ZBBX: variants seen among roughly 807,000 people sequenced by gnomAD.
ZBBX encodes the protein zinc finger B-box domain-containing protein 1.
ZBBX carries 101 observed loss-of-function variants against 108.5 expected under a neutral mutation model. The ratio of observed to expected loss-of-function variants is 0.93; its 90% CI spans 0.79 to 1.10. The LOEUF is 1.10. ZBBX is among the 50% of genes least tolerant of loss of function. The pLI is 0.00. For missense variants in ZBBX, 1,009 were observed against 941.4 expected (o/e 1.07, Z -0.94); for synonymous variants, 356 against 323.4 (o/e 1.10, Z -1.08).
chr3:167,345,059 A>C (rs1379398668), intron 9 of ZBBX, among the ~76,000 whole-genome samples: 1 of 151,930 alleles, frequency 6.6e-6, no homozygotes, highest in African/African-American at 2.4e-5. Flanking sequence ...TTGGTTAAAA[A>C]TTCCCTTGCT....
intron 18 of ZBBX, among the ~76,000 whole-genome samples, chr3:167,296,855 C>T (rs921360376): frequency 1.6e-4 from 25 of 151,804 alleles, no homozygotes; most frequent in Admixed American, 1.2e-3. Flanking sequence ...TGACATTTTT[C>T]GTAGAAATAA....
At chr3:167,288,395 A>G (rs1356816846) in intron 19 of ZBBX, among the ~76,000 whole-genome samples, 1 of 152,204 alleles carries the variant, frequency 6.6e-6, no homozygotes, top group Non-Finnish European at 1.5e-5. Context: ...GGGTCAATGC[A>G]TACAGAATTA....
At chr3:167,387,527 A>G (rs1258221256) in intron 1 of ZBBX, among the ~76,000 whole-genome samples, 1 of 152,040 alleles carries the variant, frequency 6.6e-6, no homozygotes, top group Non-Finnish European at 1.5e-5. Context: ...ACTGTTCTGG[A>G]TAGAAAAAAG....
chr3:167,362,426 C>T (rs185727535), intron 6 of ZBBX, among the ~76,000 whole-genome samples: 114 of 152,068 alleles, frequency 7.5e-4, no homozygotes, highest in African/African-American at 2.6e-3. Context: ...CAAATACCTC[C>T]GAACTCCCAC....
In ZBBX at chr3:167,315,031, T is replaced by C. The variant is rs374103850; in HGVS notation, c.1274+719A>G. ...TGTGTGTCTAAACATGGGATTTTTCTGTTCAGGGGAATCACTCAGGCCCAT... is the reference window on the plus strand; with the variant it reads ...TGTGTGTCTAAACATGGGATTTTTCCGTTCAGGGGAATCACTCAGGCCCAT... On this transcript the variant is annotated intron_variant, in intron 15 of 21. Coordinates refer to ENST00000675490, the MANE Select transcript of ZBBX (RefSeq NM_001199201.2). Among the ~76,000 whole-genome samples, 41 of 152,274 alleles carry C rather than the reference T, an allele frequency of 2.7e-4. No individual in the cohort carries two copies. In the South Asian group the frequency reaches 8.5e-3, roughly 32 times the overall value.
intron 16 of ZBBX, among the ~76,000 whole-genome samples, chr3:167,309,134 T>C (rs899996623): frequency 2.6e-5 from 4 of 152,222 alleles, no homozygotes; most frequent in African/African-American, 4.8e-5. Context: ...AAAATATTAC[T>C]GCAGAGCCAC....
At chr3:167,296,681 C>T (rs1410652829) in intron 18 of ZBBX, among the ~76,000 whole-genome samples, 1 of 151,850 alleles carries the variant, frequency 6.6e-6, no homozygotes, top group African/African-American at 2.4e-5. Context: ...AGGTGGAAGA[C>T]TTATGCAATG....
the ZBBX span, among the ~76,000 whole-genome samples, chr3:167,208,662 G>T: frequency 6.6e-6 from 1 of 152,198 alleles, no homozygotes; most frequent in Non-Finnish European, 1.5e-5. Flanking sequence ...AGCAGTCATA[G>T]CCACGGATTA....
intron 20 of ZBBX, among the ~76,000 whole-genome samples, chr3:167,259,126 T>G (rs1339423768): frequency 6.6e-6 from 1 of 152,076 alleles, no homozygotes; most frequent in Non-Finnish European, 1.5e-5. Flanking sequence ...TGATAATTTT[T>G]AAATTACCAT....
chr3:167,204,557 C>T, the ZBBX span, among the ~76,000 whole-genome samples: 1 of 149,194 alleles, frequency 6.7e-6, no homozygotes, highest in Non-Finnish European at 1.5e-5. Flanking sequence ...CATGTCCCTA[C>T]AAAGGATATG....
chr3:167,237,165 C>T (rs1720264891), downstream of ZBBX, among the ~76,000 whole-genome samples: 1 of 151,084 alleles, frequency 6.6e-6, no homozygotes, highest in Non-Finnish European at 1.5e-5. Context: ...CATATAATGC[C>T]CAGCATTAAG....
intron 20 of ZBBX, among the ~76,000 whole-genome samples, chr3:167,279,860 A>G (rs548567667): frequency 6.6e-6 from 1 of 152,324 alleles, no homozygotes; most frequent in African/African-American, 2.4e-5. Context: ...CTACAAGGCT[A>G]CAGTAACCAA....
chr3:167,342,548 A>C (rs1740715593), intron 9 of ZBBX, among the ~76,000 whole-genome samples: 1 of 151,772 alleles, frequency 6.6e-6, no homozygotes, highest in Non-Finnish European at 1.5e-5. Flanking sequence ...CATCTGTATT[A>C]TTAACCGTAG....
chr3:167,273,881 G>T (rs1481005610), intron 20 of ZBBX, among the ~76,000 whole-genome samples: 1 of 152,172 alleles, frequency 6.6e-6, no homozygotes, highest in Non-Finnish European at 1.5e-5. Context: ...TCAAATAGCT[G>T]CAGGATTTGA....
chr3:167,205,535 G>C, the ZBBX span, among the ~76,000 whole-genome samples: 11 of 152,212 alleles, frequency 7.2e-5, no homozygotes, highest in Non-Finnish European at 1.3e-4. Context: ...TAGAATTACT[G>C]AATCAATCAA....
At chr3:167,191,261 G>C in the ZBBX span, among the ~76,000 whole-genome samples, 5 of 152,230 alleles carry the variant, frequency 3.3e-5, no homozygotes, top group Admixed American at 6.5e-5. Flanking sequence ...GGAGGCAACA[G>C]CAAATTTATA....
the ZBBX span, among the ~76,000 whole-genome samples, chr3:167,206,060 T>C: frequency 6.6e-6 from 1 of 152,098 alleles, no homozygotes; most frequent in Non-Finnish European, 1.5e-5. Context: ...TTATTATTTC[T>C]AGTCCTTATT....
chr3:167,343,713 T>C (rs114112513), intron 9 of ZBBX, among the ~76,000 whole-genome samples: 2,638 of 151,986 alleles, frequency 0.017, 83 homozygotes, highest in African/African-American at 0.061. Context: ...AAAAGTCAGA[T>C]AATAACAAGT....
chr3:167,312,890 T>A (rs1734829558), intron 16 of ZBBX, among the ~76,000 whole-genome samples: 1 of 152,188 alleles, frequency 6.6e-6, no homozygotes, highest in Admixed American at 6.5e-5. Context: ...ATCATCAGTT[T>A]TACAACTATT....
Sources: allele counts gnomAD v4.1 joint callset (sites outside exome capture counted in the v4.1 genomes callset), GRCh38; gene constraint gnomAD v4.1.1; transcripts MANE v1.5; gene names NCBI Gene and HGNC (gene_info 2026-07-23, HGNC 2026-07-21).